The following PRUNE2 variants were observed in gnomAD, a reference collection of about 807,000 sequenced individuals.
The protein encoded by PRUNE2 is prune homolog 2 with BCH domain, also known as protein prune homolog 2.
In PRUNE2, 164 loss-of-function variants were observed where a neutral mutation model predicts 252.0. The ratio of observed to expected loss-of-function variants is 0.65; its 90% CI spans 0.57 to 0.74. The LOEUF is 0.74. Ranked by LOEUF, PRUNE2 falls within the 30% of genes least tolerant of loss-of-function variation. The probability of loss-of-function intolerance (pLI) is 0.00; values close to 1 mark genes in which losing one functional copy is unlikely to be tolerated. For synonymous variants in PRUNE2, 1,292 were observed against 1,350.2 expected (o/e 0.96, Z 0.94); for missense variants, 3,495 against 3,711.0 (o/e 0.94, Z 1.51).
Position 76,707,306 on chromosome 9 carries a change from A to G in PRUNE2, c.4968T>C (p.Asn1656=), listed in dbSNP as rs1481496564. ...TTTTCTCCTGGTAGCTAGCAATTAG[A>G]TTGCTTTCCTGATGTGTCCCTGAAT... ...SEHSGTHQES[N]LIASYQEKNE... The change falls in exon 8 of 19, where the codon AAT becomes AAC. Residue 1656 remains asparagine (N), a synonymous_variant. Coordinates refer to ENST00000376718, the MANE Select transcript of PRUNE2 (RefSeq NM_015225.3). 6.2e-7 allele frequency: 1 copy of G among 1,613,908 alleles called. No homozygotes were observed. The highest frequency in any genetic ancestry group is 1.7e-5 in the Admixed American group (1 of 60,018).
intron 9 of PRUNE2, chr9:76,700,388 T>G (rs2045777841): frequency 6.6e-6 from 1 of 152,246 alleles, no homozygotes; most frequent in South Asian, 2.1e-4. Context: ...TGTCAGAAGA[T>G]GTTTCCAGGT....
intron 6 of PRUNE2, among the ~76,000 whole-genome samples, chr9:76,744,334 G>A (rs2049916833): frequency 6.6e-6 from 1 of 152,224 alleles, no homozygotes; most frequent in Non-Finnish European, 1.5e-5. Context: ...CCAGAAGAGA[G>A]AGTGGACACA....
intron 6 of PRUNE2, among the ~76,000 whole-genome samples, chr9:76,799,378 A>C (rs554367814): frequency 6.6e-6 from 1 of 151,872 alleles, no homozygotes; most frequent in Non-Finnish European, 1.5e-5. Flanking sequence ...TTTTCCAATG[A>C]GTGTACCATG....
chr9:76,849,787 A>G (rs2132527027), intron 3 of PRUNE2, among the ~76,000 whole-genome samples: 1 of 152,180 alleles, frequency 6.6e-6, no homozygotes, highest in African/African-American at 2.4e-5. Context: ...GATGGAGCCA[A>G]TGCACGCCAG....
chr9:76,667,338 A>C (rs2040399146), intron 9 of PRUNE2, among the ~76,000 whole-genome samples: 1 of 152,242 alleles, frequency 6.6e-6, no homozygotes, highest in East Asian at 1.9e-4. Context: ...TCAGAATTGG[A>C]GACAATCTTC....
intron 6 of PRUNE2, among the ~76,000 whole-genome samples, chr9:76,717,863 C>T (rs1011987392): frequency 1.2e-4 from 18 of 152,238 alleles, no homozygotes; most frequent in African/African-American, 4.1e-4. Flanking sequence ...CTCGTGATTC[C>T]GAAGGGTCGA....
At chr9:76,903,755 C>T (rs7039528) in intron 1 of PRUNE2, among the ~76,000 whole-genome samples, 68,664 of 151,778 alleles carry the variant, frequency 0.45, 16,107 homozygotes, top group African/African-American at 0.56. Context: ...GCCTGGCTAA[C>T]TTTTGTACTT....
At chr9:76,691,835 A>G in intron 9 of PRUNE2, 1 of 493,936 alleles carries the variant, frequency 2.0e-6, no homozygotes. Context: ...ATAGCCAAGA[A>G]AGGGGCGGGG....
chr9:76,887,014 G>A (rs2062142917), intron 1 of PRUNE2, among the ~76,000 whole-genome samples: 1 of 152,172 alleles, frequency 6.6e-6, no homozygotes, highest in Non-Finnish European at 1.5e-5. Context: ...TACATATGCT[G>A]TCTAACTTTA....
rs1384861628 is a variant in PRUNE2 at position 76,705,552 on chromosome 9, T to G, written c.6722A>C (p.Glu2241Ala). 1.9e-6 allele frequency: 3 copies of G among 1,614,016 alleles called. No individual in the cohort carries two copies. In the Admixed American group the frequency reaches 5.0e-5, roughly 27 times the overall value. Reference protein sequence around the residue: ...VATSIFVTHQEPTPEGDGSWI... With the variant: ...VATSIFVTHQAPTPEGDGSWI... ...AGAACCGTCACCTTCTGGAGTTGGC[T>G]CTTGGTGAGTTACAAAAATGCTAGT... The change falls in exon 8 of 19, where the codon GAG becomes GCG. Residue 2241 changes from glutamate to alanine, a missense_variant. Glu to Ala is a moderately radical substitution (Grantham distance 107). Coordinates refer to ENST00000376718, the MANE Select transcript of PRUNE2 (RefSeq NM_015225.3).
chr9:76,814,221 A>G (rs1350807533), intron 6 of PRUNE2, among the ~76,000 whole-genome samples: 1 of 152,208 alleles, frequency 6.6e-6, no homozygotes, highest in African/African-American at 2.4e-5. Flanking sequence ...CTTATAATCA[A>G]TCTGGGCTGG....
At position 76,706,246 on chromosome 9, in the gene PRUNE2, T is replaced by C. The variant is rs2046305078; in HGVS notation, c.6028A>G (p.Asn2010Asp). Reference sequence around the variant, plus strand: ...AAATTTTCTGTGGCAATGCTTGAATTTGTCATCTCACCTAGGTATGATTTT... The same window carrying C: ...AAATTTTCTGTGGCAATGCTTGAATCTGTCATCTCACCTAGGTATGATTTT... ...QEKSYLGEMT[N>D]SSIATENFPA... Residue 2010 changes from asparagine to aspartate, a missense_variant, in exon 8 of 19, where the codon AAT becomes GAT. Physicochemically the swap from Asn to Asp is conservative, Grantham distance 23. Coordinates refer to ENST00000376718, the MANE Select transcript of PRUNE2 (RefSeq NM_015225.3). 1 of 1,613,986 alleles carries C rather than the reference T, an allele frequency of 6.2e-7. No individual in the cohort carries two copies. Among genetic ancestry groups the C allele is most frequent in the Non-Finnish European group, 8.5e-7 (1 of 1,179,882 alleles).
At chr9:76,714,869 C>A (rs2047014316) in intron 6 of PRUNE2, among the ~76,000 whole-genome samples, 1 of 152,172 alleles carries the variant, frequency 6.6e-6, no homozygotes, top group African/African-American at 2.4e-5. Flanking sequence ...ACAAAATCAA[C>A]CTGTGCTCCA....
At chr9:76,831,436 A>G (rs1289967208) in intron 4 of PRUNE2, among the ~76,000 whole-genome samples, 1 of 152,134 alleles carries the variant, frequency 6.6e-6, no homozygotes, top group African/African-American at 2.4e-5. Flanking sequence ...CACTGTATAA[A>G]ACAATTATAG....
At chr9:76,790,312 A>G (rs1046271725) in intron 6 of PRUNE2, among the ~76,000 whole-genome samples, 1 of 152,224 alleles carries the variant, frequency 6.6e-6, no homozygotes, top group African/African-American at 2.4e-5. Flanking sequence ...GAATTAATCA[A>G]TAGATTATTT....
chr9:76,637,349 T>C (rs1840611115), intron 14 of PRUNE2, 69 bp downstream of exon 14: 2 of 1,434,666 alleles, frequency 1.4e-6, no homozygotes, highest in South Asian at 1.2e-5. Flanking sequence ...AATAACAGTA[T>C]ACCATGTGGT....
In PRUNE2 at chr9:76,804,269, G is replaced by A. The variant is rs768349604; in HGVS notation, c.756+19363C>T. 3.9e-5 allele frequency among the ~76,000 whole-genome samples: 6 copies of A among 152,266 alleles called. No homozygotes were observed. In the South Asian group the frequency reaches 1.0e-3, roughly 26 times the overall value. On this transcript the variant is annotated intron_variant, in intron 6 of 18. Coordinates refer to ENST00000376718, the MANE Select transcript of PRUNE2 (RefSeq NM_015225.3). Reference sequence around the variant, plus strand: ...GCACGGGGCACACGGGCCTCTCTTTGGCGGGCTTTCCAAACTATTGCCCAG... The same window carrying A: ...GCACGGGGCACACGGGCCTCTCTTTAGCGGGCTTTCCAAACTATTGCCCAG...
intron 9 of PRUNE2, among the ~76,000 whole-genome samples, chr9:76,661,208 G>A (rs7039310): frequency 0.94 from 143,483 of 152,250 alleles, 67,902 homozygotes; most frequent in Non-Finnish European, 0.99. Context: ...AAAAAACAGA[G>A]AAATACTAAA....
rs146839527 is a variant in PRUNE2, at chr9:76,894,849, G to A, written c.36+11079C>T. ...AGCCTGTCCAACATGATGAAACCCC[G>A]TCTCTGCTAAAGACACGCACACAAA... On this transcript the variant is annotated intron_variant, in intron 1 of 18. Coordinates refer to ENST00000376718, the MANE Select transcript of PRUNE2 (RefSeq NM_015225.3). Among the ~76,000 whole-genome samples, 276 of 152,020 alleles carry A rather than the reference G, an allele frequency of 1.8e-3. 2 individuals carry two copies. The highest frequency in any genetic ancestry group is 6.6e-3 in the African/African-American group (272 of 41,478).
Sources: gnomAD v4.1 joint callset for allele counts (sites outside exome capture counted in the v4.1 genomes callset) on GRCh38, gnomAD v4.1.1 for gene constraint, MANE v1.5 for transcripts, NCBI Gene and HGNC (gene_info 2026-07-23, HGNC 2026-07-21) for gene names.